GRM1: variants seen among roughly 807,000 people sequenced by gnomAD.
The protein encoded by GRM1 is glutamate metabotropic receptor 1.
In GRM1, 33 loss-of-function variants were observed where a neutral mutation model predicts 90.9. That is an observed-to-expected ratio of 0.36 (90% confidence interval 0.28 to 0.49). GRM1 has a LOEUF of 0.49. Ranked by LOEUF, GRM1 falls within the 20% of genes least tolerant of loss-of-function variation. The pLI is 0.99. For synonymous variants in GRM1, 700 were observed against 613.2 expected (o/e 1.14, Z -2.09); for missense variants, 1,190 against 1,534.3 (o/e 0.78, Z 3.75).
intron 7 of GRM1, among the ~76,000 whole-genome samples, chr6:146,413,823 T>C (rs1352611809): frequency 6.6e-6 from 1 of 152,206 alleles, no homozygotes; most frequent in Non-Finnish European, 1.5e-5. Flanking sequence ...AATCATAAGG[T>C]AGATATTATT....
chr6:146,127,812 C>T (rs977550921), intron 1 of GRM1, among the ~76,000 whole-genome samples: 11 of 152,212 alleles, frequency 7.2e-5, no homozygotes, highest in African/African-American at 1.2e-4. Flanking sequence ...TGTAACAAAT[C>T]ACTCCCAAAT....
At chr6:146,144,818 A>G (rs1027528336) in intron 1 of GRM1, among the ~76,000 whole-genome samples, 1 of 152,346 alleles carries the variant, frequency 6.6e-6, no homozygotes, top group East Asian at 1.9e-4. Context: ...GGAAAATCTG[A>G]TACTCCTTAG....
At chr6:146,347,483 G>A (rs1434897833) in intron 3 of GRM1, among the ~76,000 whole-genome samples, 2 of 152,118 alleles carry the variant, frequency 1.3e-5, no homozygotes, top group African/African-American at 2.4e-5. Context: ...GAATTAATAT[G>A]TACATTTAGC....
At chr6:146,055,396 G>C (rs1229220254) in intron 1 of GRM1, among the ~76,000 whole-genome samples, 1 of 151,782 alleles carries the variant, frequency 6.6e-6, no homozygotes, top group East Asian at 1.9e-4. Context: ...TTAATTTTTA[G>C]GAAAGCGTGC....
At chr6:146,360,447 A>AC (rs1200548202) in intron 5 of GRM1, among the ~76,000 whole-genome samples, 1 of 152,196 alleles carries the variant, frequency 6.6e-6, no homozygotes, top group African/African-American at 2.4e-5. Flanking sequence ...CAGGAAAAAA[A>AC]GAGCCCATGT....
At chr6:146,186,286 T>C (rs1383453365) in intron 2 of GRM1, among the ~76,000 whole-genome samples, 2 of 152,026 alleles carry the variant, frequency 1.3e-5, no homozygotes, top group African/African-American at 2.4e-5. Context: ...CCTATAGATA[T>C]ACTCTTAATA....
At chr6:146,430,188 G>A (rs1288655977) in intron 7 of GRM1, among the ~76,000 whole-genome samples, 1 of 152,170 alleles carries the variant, frequency 6.6e-6, no homozygotes, top group Non-Finnish European at 1.5e-5. Context: ...CTAAAGTGCC[G>A]TAAATATTGG....
intron 7 of GRM1, among the ~76,000 whole-genome samples, chr6:146,433,627 C>A (rs1309414259): frequency 6.6e-6 from 1 of 151,448 alleles, no homozygotes; most frequent in Admixed American, 6.6e-5. Flanking sequence ...AAATCTTAGA[C>A]CTAAATGAAA....
chr6:146,184,902 A>C (rs976292353), intron 2 of GRM1, among the ~76,000 whole-genome samples: 1 of 152,150 alleles, frequency 6.6e-6, no homozygotes, highest in Non-Finnish European at 1.5e-5. Flanking sequence ...TTCCACTCAC[A>C]TTTCCCTGGA....
chr6:146,340,345 C>A (rs898407275), intron 3 of GRM1: 1 of 152,154 alleles, frequency 6.6e-6, no homozygotes, highest in Non-Finnish European at 1.5e-5. Context: ...TCTGCAATGA[C>A]TTTCTTGTCC....
At position 146,108,908 on chromosome 6, in the gene GRM1, C is replaced by T. The variant is rs559205190; in HGVS notation, c.701-50440C>T. On this transcript the variant is annotated intron_variant, in intron 1 of 7. Coordinates refer to ENST00000282753, the MANE Select transcript of GRM1 (RefSeq NM_001278064.2). The stretch of plus-strand genomic sequence containing the variant: ...AAACTGGTGGTATTTTGCCCCTGCA[C>T]AGAGATTTGTGGAACTTTGAATGTG... 3.3e-5 allele frequency among the ~76,000 whole-genome samples: 5 copies of T among 152,270 alleles called. No homozygotes were observed. In the South Asian group the frequency reaches 1.0e-3, roughly 32 times the overall value.
chr6:146,437,338 A>G lies in GRM1; in HGVS notation c.*2542A>G, dbSNP rs1778624941. 6.6e-6 allele frequency: 1 copy of G among 152,568 alleles called. No homozygotes were observed. The highest frequency in any genetic ancestry group is 6.6e-5 in the Admixed American group (1 of 15,264). 9.5% of individuals were successfully genotyped at this position (152,568 alleles called of 1,614,324 possible). ...TGAACACGTTCATTCAACTGTGATCACTTTATTACTCTGAATGCCTACTAT... is the reference window on the plus strand; with the variant it reads ...TGAACACGTTCATTCAACTGTGATCGCTTTATTACTCTGAATGCCTACTAT... On this transcript the variant is annotated 3_prime_UTR_variant, in exon 8 of 8. Transcript: ENST00000282753.
chr6:146,419,713 C>A (rs1777918341), intron 7 of GRM1, among the ~76,000 whole-genome samples: 1 of 152,100 alleles, frequency 6.6e-6, no homozygotes, highest in Admixed American at 6.5e-5. Flanking sequence ...CATGGCAGAG[C>A]AGGAAAGCAA....
At chr6:146,120,592 A>G (rs1032838460) in intron 1 of GRM1, among the ~76,000 whole-genome samples, 8 of 152,154 alleles carry the variant, frequency 5.3e-5, no homozygotes, top group Non-Finnish European at 1.2e-4. Flanking sequence ...AATAGTTCTT[A>G]TTATTTTGAG....
intron 5 of GRM1, among the ~76,000 whole-genome samples, chr6:146,358,603 C>T (rs946945241): frequency 2.0e-5 from 3 of 152,170 alleles, no homozygotes; most frequent in Admixed American, 6.5e-5. Context: ...TGCCGCTGTA[C>T]CATTCTTTGC....
At chr6:146,158,697 A>T (rs1274095058) in intron 1 of GRM1, among the ~76,000 whole-genome samples, 2 of 152,220 alleles carry the variant, frequency 1.3e-5, no homozygotes, top group African/African-American at 4.8e-5. Flanking sequence ...ATTGATTTCT[A>T]TGAGTTTTCA....
chr6:146,129,547 A>G (rs1231326118), intron 1 of GRM1, among the ~76,000 whole-genome samples: 2 of 152,220 alleles, frequency 1.3e-5, no homozygotes, highest in Non-Finnish European at 2.9e-5. Context: ...GAGGCTGCAC[A>G]GAGCAACTTG....
intron 2 of GRM1, among the ~76,000 whole-genome samples, chr6:146,283,279 T>A (rs1185039820): frequency 6.6e-6 from 1 of 152,168 alleles, no homozygotes; most frequent in Non-Finnish European, 1.5e-5. Flanking sequence ...TTTGTTATAA[T>A]TAAAGAATGA....
At chr6:146,407,523 C>A (rs909221839) in intron 7 of GRM1, among the ~76,000 whole-genome samples, 6 of 152,112 alleles carry the variant, frequency 3.9e-5, no homozygotes, top group South Asian at 4.1e-4. Flanking sequence ...CTTGTATAGT[C>A]AATGCATATT....
Sources: gnomAD v4.1 joint callset for allele counts (sites outside exome capture counted in the v4.1 genomes callset) on GRCh38, gnomAD v4.1.1 for gene constraint, MANE v1.5 for transcripts, NCBI Gene and HGNC (gene_info 2026-07-23, HGNC 2026-07-21) for gene names.